CSMD1: variants seen among roughly 807,000 people sequenced by gnomAD.
CSMD1 encodes CUB and Sushi multiple domains 1.
In CSMD1, 213 loss-of-function variants were observed where a neutral mutation model predicts 417.5. The ratio of observed to expected loss-of-function variants is 0.51; its 90% CI spans 0.46 to 0.57. CSMD1 has a LOEUF of 0.57. Among genes scored for constraint, CSMD1 ranks in the 20% least tolerant of loss-of-function variants. CSMD1 has a pLI of 0.00. For synonymous variants in CSMD1, 2,862 were observed against 1,736.8 expected, an observed-to-expected ratio of 1.65 and a Z score of -16.11; for missense variants, 6,923 against 4,529.7, an observed-to-expected ratio of 1.53 and a Z score of -15.17.
At chr8:4,647,427 G>A (rs1357045839) in intron 1 of CSMD1, among the ~76,000 whole-genome samples, 1 of 149,486 alleles carries the variant, frequency 6.7e-6, no homozygotes, top group Non-Finnish European at 1.5e-5. Flanking sequence ...TGCCACGGCG[G>A]CCTGCTACGT....
intron 2 of CSMD1, among the ~76,000 whole-genome samples, chr8:4,493,190 G>A (rs1374769189): frequency 3.3e-5 from 5 of 152,074 alleles, no homozygotes; most frequent in African/African-American, 4.8e-5. Flanking sequence ...AAGACAGTAA[G>A]CGTTATATAC....
At chr8:4,256,883 G>A (rs949427756) in intron 3 of CSMD1, among the ~76,000 whole-genome samples, 25 of 152,140 alleles carry the variant, frequency 1.6e-4, no homozygotes, top group Admixed American at 6.5e-4. Flanking sequence ...AATCGCTACT[G>A]GACGATGTGG....
intron 42 of CSMD1, among the ~76,000 whole-genome samples, chr8:3,115,891 AC>A (rs1164293239): frequency 6.6e-6 from 1 of 152,178 alleles, no homozygotes; most frequent in African/African-American, 2.4e-5. Context: ...ACAGGGCTGG[AC>A]CTTTGAAGAT....
intron 25 of CSMD1, among the ~76,000 whole-genome samples, chr8:3,303,692 C>T (rs1381351454): frequency 6.6e-6 from 1 of 152,112 alleles, no homozygotes; most frequent in East Asian, 1.9e-4. Flanking sequence ...ATGTTGCTAG[C>T]TGAAGAAGTT....
At chr8:4,319,132 T>C (rs186200614) in intron 3 of CSMD1, among the ~76,000 whole-genome samples, 6 of 152,278 alleles carry the variant, frequency 3.9e-5, no homozygotes, top group Admixed American at 3.3e-4. Context: ...TAAAAGCAGA[T>C]TAAATCAAAA....
At chr8:3,172,806 G>GT (rs1206593594) in intron 37 of CSMD1, among the ~76,000 whole-genome samples, 1 of 152,200 alleles carries the variant, frequency 6.6e-6, no homozygotes, top group Non-Finnish European at 1.5e-5. Flanking sequence ...GCAATTGTCA[G>GT]TTTCCATTGA....
chr8:3,347,597 T>C (rs2117635663), intron 22 of CSMD1, among the ~76,000 whole-genome samples: 1 of 152,346 alleles, frequency 6.6e-6, no homozygotes, highest in East Asian at 1.9e-4. Context: ...CTGCAACTTT[T>C]AATAATTACA....
chr8:3,295,742 G>A (rs144319785), intron 25 of CSMD1, among the ~76,000 whole-genome samples: 1 of 152,176 alleles, frequency 6.6e-6, no homozygotes, highest in Admixed American at 6.5e-5. Context: ...ATTACCGTCA[G>A]ACTAAGAGTT....
chr8:4,335,736 G>C (rs1037449602), intron 3 of CSMD1, among the ~76,000 whole-genome samples: 12 of 152,048 alleles, frequency 7.9e-5, no homozygotes, highest in African/African-American at 2.9e-4. Flanking sequence ...TACCTTAATA[G>C]GGCTCACGGC....
chr8:3,829,345 G>T (rs1033173232), intron 5 of CSMD1, among the ~76,000 whole-genome samples: 3 of 152,072 alleles, frequency 2.0e-5, no homozygotes, highest in African/African-American at 7.2e-5. Context: ...AGGTCTTTCT[G>T]GTTACTGAGA....
At chr8:4,698,476 T>G (rs1275475931) in intron 1 of CSMD1, among the ~76,000 whole-genome samples, 1 of 152,118 alleles carries the variant, frequency 6.6e-6, no homozygotes, top group Non-Finnish European at 1.5e-5. Context: ...CATAAGGCAG[T>G]TGGGATAGAA....
intron 1 of CSMD1, among the ~76,000 whole-genome samples, chr8:4,652,671 G>T (rs531997015): frequency 6.6e-6 from 1 of 152,156 alleles, no homozygotes; most frequent in African/African-American, 2.4e-5. Flanking sequence ...AAAAAAGACA[G>T]ATTCGCCACA....
chr8:4,819,749 A>G (rs990707995), intron 1 of CSMD1, among the ~76,000 whole-genome samples: 1 of 152,192 alleles, frequency 6.6e-6, no homozygotes, highest in Admixed American at 6.5e-5. Flanking sequence ...GCTCATGTAG[A>G]GAGGGACCTG....
intron 5 of CSMD1, among the ~76,000 whole-genome samples, chr8:3,860,034 G>C (rs868229352): frequency 2.6e-5 from 4 of 152,208 alleles, no homozygotes; most frequent in Non-Finnish European, 4.4e-5. Context: ...GAATGTGCTT[G>C]TGGAGGGTCA....
intron 30 of CSMD1, among the ~76,000 whole-genome samples, chr8:3,209,712 G>A (rs760004656): frequency 2.0e-5 from 3 of 152,180 alleles, no homozygotes; most frequent in Admixed American, 6.5e-5. Context: ...TTATTTTAAT[G>A]CAACAACAAA....
intron 2 of CSMD1, among the ~76,000 whole-genome samples, chr8:4,527,432 C>A (rs193119240): frequency 6.6e-6 from 1 of 152,170 alleles, no homozygotes; most frequent in African/African-American, 2.4e-5. Context: ...CATGCAATTG[C>A]CTTTACCTAT....
At chr8:3,270,449 G>C (rs1267116550) in intron 26 of CSMD1, among the ~76,000 whole-genome samples, 1 of 152,104 alleles carries the variant, frequency 6.6e-6, no homozygotes. Flanking sequence ...AATTTACCAG[G>C]TGATAGATTA....
chr8:4,023,373 C>T (rs1796884244), intron 4 of CSMD1, among the ~76,000 whole-genome samples: 2 of 152,120 alleles, frequency 1.3e-5, no homozygotes, highest in African/African-American at 4.8e-5. Flanking sequence ...AACAACAATG[C>T]CCTGGTCCAA....
At chr8:3,153,167 G>A (rs1207118100) in intron 39 of CSMD1, among the ~76,000 whole-genome samples, 4 of 152,174 alleles carry the variant, frequency 2.6e-5, no homozygotes, top group Admixed American at 1.3e-4. Flanking sequence ...GGCCATGAGT[G>A]TGACCTCTGG....
Sources: allele counts gnomAD v4.1 joint callset (sites outside exome capture counted in the v4.1 genomes callset), GRCh38; gene constraint gnomAD v4.1.1; transcripts MANE v1.5; gene names NCBI Gene and HGNC (gene_info 2026-07-23, HGNC 2026-07-21).